PIP5K1A: variants seen among roughly 807,000 people sequenced by gnomAD.
The protein encoded by PIP5K1A is phosphatidylinositol 4-phosphate 5-kinase type-1 alpha.
A neutral mutation model predicts 72.9 loss-of-function variants in PIP5K1A; 46 were observed. The observed-to-expected ratio is 0.63, with a 90% CI of 0.50 to 0.81. The LOEUF is 0.81. Ranked by LOEUF, PIP5K1A falls within the 30% of genes least tolerant of loss-of-function variation. PIP5K1A has a pLI of 0.00. For synonymous variants in PIP5K1A, 228 were observed against 255.1 expected (o/e 0.89, Z 1.01); for missense variants, 458 against 706.1 (o/e 0.65, Z 3.98).
At chr1:151,204,245 C>T (rs587700308) in intron 1 of PIP5K1A, among the ~76,000 whole-genome samples, 9 of 152,274 alleles carry the variant, frequency 5.9e-5, no homozygotes, top group Admixed American at 4.6e-4. Context: ...GGCGCGATCT[C>T]GGCTCACTGT....
At chr1:151,214,052 T>C (rs587658717) in intron 1 of PIP5K1A, among the ~76,000 whole-genome samples, 4 of 152,270 alleles carry the variant, frequency 2.6e-5, no homozygotes, top group South Asian at 2.1e-4. Context: ...AATTGTATTA[T>C]ATAATTTTTT....
intron 1 of PIP5K1A, among the ~76,000 whole-genome samples, chr1:151,216,590 C>A (rs1460175530): frequency 6.6e-6 from 1 of 152,022 alleles, no homozygotes; most frequent in Non-Finnish European, 1.5e-5. Context: ...TGTTCATTTC[C>A]TTTTGTTTCA....
chr1:151,236,872 T>C, intron 9 of PIP5K1A, 109 bp downstream of exon 9: 1 of 753,244 alleles, frequency 1.3e-6, no homozygotes, highest in East Asian at 2.7e-5. Flanking sequence ...CAGGCTGATG[T>C]GCTGATGTGC....
intron 14 of PIP5K1A, among the ~76,000 whole-genome samples, chr1:151,246,659 T>G (rs1188214689): frequency 6.6e-6 from 1 of 152,140 alleles, no homozygotes; most frequent in Non-Finnish European, 1.5e-5. Context: ...GGGGCAATCT[T>G]AGAGGGTACC....
intron 12 of PIP5K1A, among the ~76,000 whole-genome samples, chr1:151,241,677 G>A (rs1417886742): frequency 6.6e-6 from 1 of 151,908 alleles, no homozygotes; most frequent in Non-Finnish European, 1.5e-5. Context: ...GCGCATGCCT[G>A]TAATCCTAGC....
intron 1 of PIP5K1A, among the ~76,000 whole-genome samples, chr1:151,211,315 T>A (rs971720236): frequency 3.3e-5 from 5 of 151,940 alleles, no homozygotes; most frequent in Non-Finnish European, 5.9e-5. Flanking sequence ...AGTGAAACCC[T>A]GTCTCTACAA....
rs2101818443 is a variant in PIP5K1A, at chr1:151,249,352, T to A, written c.*1487T>A. On this transcript the variant is annotated 3_prime_UTR_variant, in exon 16 of 16. Coordinates refer to ENST00000368888, the MANE Select transcript of PIP5K1A (RefSeq NM_001135638.2). The stretch of plus-strand genomic sequence containing the variant: ...TTTAAGTGTTTTATTAAGGACAGAG[T>A]TCTGTTAGGGGTGGGAGGGAATATT... 1 of 152,132 alleles carries A rather than the reference T, an allele frequency of 6.6e-6. No homozygotes were observed. Among genetic ancestry groups the A allele is most frequent in the South Asian group, 2.1e-4 (1 of 4,816 alleles). The allele number at this position is 152,132 out of a possible 1,614,324, so 9.4% of individuals were successfully genotyped here. A position where few individuals can be genotyped will look rare whatever the true frequency, so the allele number is the denominator to read the frequency against.
intron 1 of PIP5K1A, among the ~76,000 whole-genome samples, chr1:151,204,933 T>C (rs1023033392): frequency 3.9e-5 from 6 of 152,250 alleles, no homozygotes; most frequent in African/African-American, 1.4e-4. Context: ...TACGTTTTGC[T>C]TATTAATGTC....
intron 1 of PIP5K1A, among the ~76,000 whole-genome samples, chr1:151,220,090 C>CT (rs1688206133): frequency 6.6e-6 from 1 of 152,024 alleles, no homozygotes; most frequent in African/African-American, 2.4e-5. Flanking sequence ...ACTGCAATCT[C>CT]TGTCTCCCAG....
intron 1 of PIP5K1A, among the ~76,000 whole-genome samples, chr1:151,208,854 T>A (rs376623812): frequency 6.9e-6 from 1 of 145,312 alleles, no homozygotes; most frequent in African/African-American, 2.5e-5. Context: ...TGCCTCAGCC[T>A]CCCGAGTAGC....
intron 4 of PIP5K1A, among the ~76,000 whole-genome samples, chr1:151,229,675 A>C (rs764804387): frequency 6.7e-5 from 10 of 150,342 alleles, no homozygotes; most frequent in Admixed American, 2.7e-4. Flanking sequence ...AGCTCTTTTT[A>C]TATGTTGAAC....
intron 1 of PIP5K1A, among the ~76,000 whole-genome samples, chr1:151,209,008 A>AC (rs1686395706): frequency 6.7e-6 from 1 of 150,022 alleles, no homozygotes; most frequent in Non-Finnish European, 1.5e-5. Flanking sequence ...CTGGGATTAC[A>AC]GGCGTGAGCC....
chr1:151,247,724 G>A (rs587645946), intron 15 of PIP5K1A, 139 bp from the exon 16 acceptor site: 15 of 683,244 alleles, frequency 2.2e-5, no homozygotes, highest in African/African-American at 1.1e-4. Context: ...ATGCGCGGCC[G>A]CCATCTTGTT....
At position 151,232,290 on chromosome 1, in the gene PIP5K1A, T is replaced by C. The variant is rs148997378; in HGVS notation, c.411T>C (p.Phe137=). The C allele has an allele frequency of 3.7e-3, 6,016 of 1,614,124 alleles. 19 individuals are homozygous for C. The highest frequency in any genetic ancestry group is 4.7e-3 in the South Asian group (429 of 91,086). Residue 137 remains phenylalanine, a synonymous_variant, in exon 6 of 16, where the codon TTT becomes TTC. Transcript: ENST00000368888. ...CCCCTGCTCATCACTACAATGACTT[T>C]CGTTTCAAGACCTATGCACCTGTTG... ...NLTPAHHYND[F]RFKTYAPVAF...
At chr1:151,208,719 C>CTT (rs61545057) in intron 1 of PIP5K1A, among the ~76,000 whole-genome samples, 657 of 43,138 alleles carry the variant, frequency 0.015, 233 homozygotes, top group Middle Eastern at 0.048. Context: ...TAATGGTACG[C>CTT]TTTTTTTTTT....
intron 10 of PIP5K1A, 75 bp from the exon 11 acceptor site, chr1:151,239,055 C>A: frequency 9.6e-7 from 1 of 1,045,442 alleles, no homozygotes; most frequent in Non-Finnish European, 1.5e-6. Flanking sequence ...ACCCCTTTAA[C>A]CCCCTAAAAT....
rs772478506 is a variant in PIP5K1A at position 151,227,416 on chromosome 1, A to G, written c.237+16A>G. The G allele has an allele frequency of 1.9e-6, 3 of 1,566,960 alleles. No individual in the cohort carries two copies. The highest frequency in any genetic ancestry group is 2.6e-6 in the Non-Finnish European group (3 of 1,137,954). On this transcript the variant is annotated intron_variant, in intron 4 of 15. Transcript: ENST00000368888. ...ATATAAAAAGGTGTGTCTGGATGAA[A>G]CCGTCTCATCTTACTCCAGGAGCTC...
Position 151,224,685 on chromosome 1 carries a change from A to T in PIP5K1A, c.156+279A>T, listed in dbSNP as rs75038010. ...TTCAAATTCAAACCCAGGCAGTCTG[A>T]CACTAAAGCTCACTTTCTTTGTTTT... On this transcript the variant is annotated intron_variant, in intron 3 of 15. Coordinates refer to ENST00000368888, the MANE Select transcript of PIP5K1A (RefSeq NM_001135638.2). Among the ~76,000 whole-genome samples, 704 of 152,322 alleles carry T rather than the reference A, an allele frequency of 4.6e-3. 6 individuals are homozygous for T. The highest frequency in any genetic ancestry group is 0.016 in the African/African-American group (672 of 41,564).
chr1:151,205,922 G>T (rs1685862739), intron 1 of PIP5K1A, among the ~76,000 whole-genome samples: 1 of 152,152 alleles, frequency 6.6e-6, no homozygotes. Flanking sequence ...GCCAGGTAGA[G>T]AGGGAATCTT....
Sources: gnomAD v4.1 joint callset for allele counts (sites outside exome capture counted in the v4.1 genomes callset) on GRCh38, gnomAD v4.1.1 for gene constraint, MANE v1.5 for transcripts, NCBI Gene and HGNC (gene_info 2026-07-23, HGNC 2026-07-21) for gene names.